The following CYSLTR1 variants were observed in gnomAD, a reference collection of about 807,000 sequenced individuals.
CYSLTR1 encodes the protein cysteinyl leukotriene receptor 1.
A neutral mutation model predicts 2.1 loss-of-function variants in CYSLTR1; 1 was observed. The ratio of observed to expected loss-of-function variants is 0.48; its 90% CI spans 0.17 to 2.28. CYSLTR1 has a LOEUF of 2.28. Among genes scored for constraint, CYSLTR1 ranks in the 30% most tolerant of loss-of-function variants. The pLI is 0.26. For synonymous variants in CYSLTR1, 110 were observed against 89.6 expected, an observed-to-expected ratio of 1.23 and a Z score of -1.28; for missense variants, 299 against 250.1, an observed-to-expected ratio of 1.20 and a Z score of -1.32.
chrX:78,277,048 A>T (rs1361448685), intron 2 of CYSLTR1, among the ~76,000 whole-genome samples: 1 of 111,355 alleles, frequency 9.0e-6, no homozygotes, highest in Non-Finnish European at 1.9e-5. Context: ...AACTTCTCAG[A>T]GAGTTGGCAG....
intron 1 of CYSLTR1, chrX:78,320,169 C>A (rs973627511): frequency 8.9e-6 from 1 of 112,258 alleles, no homozygotes; most frequent in Non-Finnish European, 1.9e-5. Flanking sequence ...GTGTTTTAGA[C>A]ATGAAGTACT....
chrX:78,306,494 C>T (rs994304383), intron 1 of CYSLTR1, among the ~76,000 whole-genome samples: 2 of 111,588 alleles, frequency 1.8e-5, no homozygotes, highest in Non-Finnish European at 3.8e-5. Flanking sequence ...TTATTCTATA[C>T]CATCTCTTAT....
chrX:78,304,638 T>G (rs1922957824), intron 1 of CYSLTR1, among the ~76,000 whole-genome samples: 1 of 110,511 alleles, frequency 9.0e-6, no homozygotes, highest in Non-Finnish European at 1.9e-5. Context: ...TCCCCAGGCC[T>G]CCACAAAGAA....
chrX:78,313,006 C>T (rs1027774831), intron 1 of CYSLTR1, among the ~76,000 whole-genome samples: 13 of 111,792 alleles, frequency 1.2e-4, no homozygotes, highest in Non-Finnish European at 2.5e-4. Context: ...AAAAATACAT[C>T]CATGCACATA....
At chrX:78,295,265 A>C (rs1383894347) in intron 1 of CYSLTR1, among the ~76,000 whole-genome samples, 1 of 110,820 alleles carries the variant, frequency 9.0e-6, no homozygotes, top group Non-Finnish European at 1.9e-5. Flanking sequence ...CTTTTTCTTT[A>C]TCCATTCAGC....
chrX:78,287,439 G>A (rs940456872), intron 1 of CYSLTR1, among the ~76,000 whole-genome samples: 1 of 111,751 alleles, frequency 8.9e-6, no homozygotes, highest in African/African-American at 3.3e-5. Flanking sequence ...TGGACACAAA[G>A]GATCTTCTGG....
intron 1 of CYSLTR1, among the ~76,000 whole-genome samples, chrX:78,284,457 G>A (rs1411947707): frequency 9.0e-6 from 1 of 111,191 alleles, no homozygotes; most frequent in Admixed American, 9.6e-5. Flanking sequence ...CTGGAGTGCA[G>A]TGGCGTGATC....
At chrX:78,274,501 G>GGT (rs1374665894) in intron 2 of CYSLTR1, among the ~76,000 whole-genome samples, 2 of 111,723 alleles carry the variant, frequency 1.8e-5, no homozygotes, top group African/African-American at 6.5e-5. Flanking sequence ...TTTAATAAAT[G>GGT]GTGCTGGGAA....
intron 2 of CYSLTR1, among the ~76,000 whole-genome samples, chrX:78,277,214 C>T (rs191366568): frequency 8.1e-5 from 9 of 111,133 alleles, no homozygotes; most frequent in Middle Eastern, 4.6e-3. Flanking sequence ...GTAGGGCTAT[C>T]TTGCTCATAG....
intron 2 of CYSLTR1, among the ~76,000 whole-genome samples, chrX:78,283,202 A>G (rs139585655): frequency 1.8e-5 from 2 of 111,904 alleles, no homozygotes; most frequent in East Asian, 5.6e-4. Flanking sequence ...AATATAAGAT[A>G]CTTAAGACCT....
At chrX:78,278,381 A>G (rs957306505) in intron 2 of CYSLTR1, among the ~76,000 whole-genome samples, 1 of 112,069 alleles carries the variant, frequency 8.9e-6, no homozygotes, top group African/African-American at 3.2e-5. Context: ...AGCCACAACA[A>G]GAGTAAAATT....
intron 1 of CYSLTR1, chrX:78,321,612 C>T (rs190318881): frequency 1.5e-4 from 16 of 108,941 alleles, no homozygotes; most frequent in Admixed American, 8.8e-4. Context: ...ACTGCTTGAA[C>T]CCGGGAGGCG....
intron 1 of CYSLTR1, among the ~76,000 whole-genome samples, chrX:78,295,344 G>A (rs944899217): frequency 5.7e-5 from 6 of 105,407 alleles, no homozygotes; most frequent in South Asian, 4.4e-4. Context: ...ACAGAAGTGC[G>A]GATATCTCTT....
intron 1 of CYSLTR1, among the ~76,000 whole-genome samples, chrX:78,310,110 A>C (rs2147270329): frequency 8.9e-6 from 1 of 111,926 alleles, no homozygotes; most frequent in Non-Finnish European, 1.9e-5. Flanking sequence ...ATGATGAATT[A>C]TTCTTAAAGC....
At chrX:78,325,600 A>C (rs1923836667) in intron 1 of CYSLTR1, among the ~76,000 whole-genome samples, 1 of 111,989 alleles carries the variant, frequency 8.9e-6, no homozygotes, top group Non-Finnish European at 1.9e-5. Context: ...CAGTTATCCC[A>C]GTTACCCCGT....
intron 1 of CYSLTR1, among the ~76,000 whole-genome samples, chrX:78,308,415 T>C (rs1923106076): frequency 8.9e-6 from 1 of 111,984 alleles, no homozygotes; most frequent in Non-Finnish European, 1.9e-5. Flanking sequence ...ACTATTAATT[T>C]AATTAATTCA....
rs1256362939 is a variant in CYSLTR1, at chrX:78,293,535, G to A, written c.-114-9995C>T. On this transcript the variant is annotated intron_variant, in intron 1 of 2. Coordinates refer to ENST00000373304, the MANE Select transcript of CYSLTR1 (RefSeq NM_006639.4). ...TTTGAATGTTGGCCTGCCTTGCTAG[G>A]TTGGGGAAGTTCTCTTGGATAATAC... 1.2e-4 allele frequency among the ~76,000 whole-genome samples: 13 copies of A among 111,563 alleles called. No individual in the cohort carries two copies. The East Asian group carries it at 1.7e-3, about 14-fold the overall frequency.
chrX:78,282,310 A>T (rs1350295009), intron 2 of CYSLTR1, among the ~76,000 whole-genome samples: 1 of 111,955 alleles, frequency 8.9e-6, no homozygotes, highest in Non-Finnish European at 1.9e-5. Context: ...TGATTTGTAT[A>T]TCTTATCTCC....
rs1921294079 is a variant in CYSLTR1, at chrX:78,272,261, T to C, written c.*472A>G. The C allele has an allele frequency of 8.9e-6, 1 of 112,324 alleles. No individual in the cohort carries two copies. Among genetic ancestry groups the C allele is most frequent in the Non-Finnish European group, 1.9e-5 (1 of 53,453 alleles). 9.3% of individuals were successfully genotyped at this position (112,324 alleles called of 1,213,427 possible). A position where few individuals can be genotyped will look rare whatever the true frequency, so the allele number is the denominator to read the frequency against. ...AGGGTGACAGTACGTTTTATGTAGC[T>C]CCTGAGTCATCTCCAGTTCTCATCT... On this transcript the variant is annotated 3_prime_UTR_variant, in exon 3 of 3. Coordinates refer to ENST00000373304, the MANE Select transcript of CYSLTR1 (RefSeq NM_006639.4).
Sources: gnomAD v4.1 joint callset for allele counts (sites outside exome capture counted in the v4.1 genomes callset) on GRCh38, gnomAD v4.1.1 for gene constraint, MANE v1.5 for transcripts, NCBI Gene and HGNC (gene_info 2026-07-23, HGNC 2026-07-21) for gene names.